LRMDA: variants seen among roughly 807,000 people sequenced by gnomAD.
LRMDA encodes leucine-rich melanocyte differentiation-associated protein.
A neutral mutation model predicts 29.8 loss-of-function variants in LRMDA; 18 were observed. That is an observed-to-expected ratio of 0.60 (90% CI 0.42 to 0.90). The LOEUF is 0.90. LRMDA is among the 40% of genes least tolerant of loss of function. LRMDA has a pLI of 0.00. For missense variants in LRMDA, 273 were observed against 273.9 expected (o/e 1.00, Z 0.02); for synonymous variants, 125 against 109.4 (o/e 1.14, Z -0.89).
chr10:75,671,292 G>A (rs11001458), intron 2 of LRMDA, among the ~76,000 whole-genome samples: 1 of 152,036 alleles, frequency 6.6e-6, no homozygotes, highest in Non-Finnish European at 1.5e-5. Flanking sequence ...TAGTTTTCAG[G>A]ACTGTACTGC....
At chr10:75,664,602 C>G (rs1841797513) in intron 2 of LRMDA, among the ~76,000 whole-genome samples, 1 of 152,230 alleles carries the variant, frequency 6.6e-6, no homozygotes, top group East Asian at 1.9e-4. Context: ...TGGAGGGCAT[C>G]AGGGAAGTCT....
intron 5 of LRMDA, among the ~76,000 whole-genome samples, chr10:76,249,270 G>A (rs932715612): frequency 2.0e-5 from 3 of 152,262 alleles, no homozygotes; most frequent in East Asian, 3.9e-4. Flanking sequence ...TACTCCTAGC[G>A]GGTGGCTAGA....
intron 2 of LRMDA, among the ~76,000 whole-genome samples, chr10:75,942,304 A>C (rs1171664620): frequency 6.6e-6 from 1 of 152,188 alleles, no homozygotes; most frequent in Admixed American, 6.5e-5. Flanking sequence ...TGAGCTGTTT[A>C]TCATGCTCAT....
At chr10:75,768,992 C>T (rs916657671) in intron 2 of LRMDA, among the ~76,000 whole-genome samples, 2 of 152,168 alleles carry the variant, frequency 1.3e-5, no homozygotes, top group Admixed American at 1.3e-4. Flanking sequence ...AGCACTTACT[C>T]CAAGGAGAAG....
At chr10:76,152,071 G>T (rs1055263105) in intron 5 of LRMDA, among the ~76,000 whole-genome samples, 3 of 152,110 alleles carry the variant, frequency 2.0e-5, no homozygotes, top group Non-Finnish European at 4.4e-5. Context: ...CAATTCATTG[G>T]TTTTTAGCAT....
chr10:75,467,885 C>T (rs994176645), intron 2 of LRMDA, among the ~76,000 whole-genome samples: 12 of 151,554 alleles, frequency 7.9e-5, no homozygotes, highest in African/African-American at 2.7e-4. Flanking sequence ...CGCATGAACT[C>T]GGGAGGTGGA....
chr10:76,050,693 G>C (rs1240845312), intron 4 of LRMDA, among the ~76,000 whole-genome samples: 1 of 152,204 alleles, frequency 6.6e-6, no homozygotes, highest in Non-Finnish European at 1.5e-5. Context: ...CCATGCTACT[G>C]AGAAACCACT....
At chr10:76,258,926 T>C (rs1410430555) in intron 5 of LRMDA, among the ~76,000 whole-genome samples, 1 of 152,174 alleles carries the variant, frequency 6.6e-6, no homozygotes, top group East Asian at 1.9e-4. Context: ...GCAATAAATA[T>C]GGGAGTGCAG....
intron 6 of LRMDA, among the ~76,000 whole-genome samples, chr10:76,379,189 G>A (rs575223270): frequency 8.6e-5 from 13 of 151,376 alleles, no homozygotes; most frequent in African/African-American, 1.2e-4. Context: ...GTGTGTGTGT[G>A]TGTGTGTGTG....
Position 76,473,308 on chromosome 10 carries a change from C to T in LRMDA, c.602-83901C>T, listed in dbSNP as rs76170899. Among the ~76,000 whole-genome samples the T allele has an allele frequency of 4.3e-3, 659 of 151,610 alleles. 1 individual carries two copies. The highest frequency in any genetic ancestry group is 0.015 in the African/African-American group (617 of 41,460). ...AAAAAAAGTATTTGACAAAAGTCCA[C>T]ATCCACACACATTCATGGTAAAAAC... On this transcript the variant is annotated intron_variant, in intron 6 of 6. Coordinates refer to ENST00000611255, the MANE Select transcript of LRMDA (RefSeq NM_001305581.2).
rs973071303 is a variant in LRMDA, at chr10:75,956,546, C to G, written c.132-79462C>G. On this transcript the variant is annotated intron_variant, in intron 2 of 6. Coordinates refer to ENST00000611255, the MANE Select transcript of LRMDA (RefSeq NM_001305581.2). ...TGTCTGAGCCCCCTTTATTCTACCACCATCACTGTACAAGTGTGGTCCCTG... is the reference window on the plus strand; with the variant it reads ...TGTCTGAGCCCCCTTTATTCTACCAGCATCACTGTACAAGTGTGGTCCCTG... 3.3e-5 allele frequency among the ~76,000 whole-genome samples: 5 copies of G among 152,186 alleles called. No individual in the cohort carries two copies. In the East Asian group the frequency reaches 9.7e-4, roughly 29 times the overall value.
At chr10:75,450,241 G>A (rs758495720) in intron 2 of LRMDA, 1 of 152,060 alleles carries the variant, frequency 6.6e-6, no homozygotes, top group African/African-American at 2.4e-5. Context: ...ATGAGAGAGA[G>A]ACACACACAT....
chr10:75,903,480 G>A (rs1400814793), intron 2 of LRMDA, among the ~76,000 whole-genome samples: 1 of 152,230 alleles, frequency 6.6e-6, no homozygotes, highest in African/African-American at 2.4e-5. Context: ...ATCACTTCGC[G>A]ATTCCATTAT....
chr10:76,361,568 CT>C (rs951845067), intron 6 of LRMDA, among the ~76,000 whole-genome samples: 1 of 152,120 alleles, frequency 6.6e-6, no homozygotes, highest in African/African-American at 2.4e-5. Flanking sequence ...TGCCAAGTAC[CT>C]GGCTTAGGGC....
At chr10:76,047,038 T>C (rs192031370) in intron 3 of LRMDA, 126 bp from the exon 4 acceptor site, 22 of 1,024,818 alleles carry the variant, frequency 2.1e-5, no homozygotes, top group African/African-American at 3.2e-5. Flanking sequence ...CACAGCTGAA[T>C]TGATTTCAGC....
At position 76,510,054 on chromosome 10, in the gene LRMDA, T is replaced by G. The variant is rs1394302657; in HGVS notation, c.602-47155T>G. On this transcript the variant is annotated intron_variant, in intron 6 of 6. Transcript: ENST00000611255. The stretch of plus-strand genomic sequence containing the variant: ...TTTGTTTTGTTTTATTTTTTGTTTT[T>G]CCATTTTTGTTGTTGTTTGTTTGTT... Among the ~76,000 whole-genome samples, 5 of 152,128 alleles carry G rather than the reference T, an allele frequency of 3.3e-5. No homozygotes were observed. In the South Asian group the frequency reaches 8.3e-4, roughly 25 times the overall value.
intron 2 of LRMDA, among the ~76,000 whole-genome samples, chr10:75,802,617 T>G (rs1371474638): frequency 3.9e-5 from 6 of 152,154 alleles, no homozygotes; most frequent in Non-Finnish European, 2.9e-5. Flanking sequence ...TAGTGTTGTT[T>G]TTTTTTTCTT....
intron 6 of LRMDA, among the ~76,000 whole-genome samples, chr10:76,429,379 C>A (rs1842166890): frequency 6.6e-6 from 1 of 152,146 alleles, no homozygotes. Flanking sequence ...AGTGACCTTA[C>A]ATGCACAATA....
At chr10:76,485,456 C>T (rs1300659188) in intron 6 of LRMDA, among the ~76,000 whole-genome samples, 1 of 151,894 alleles carries the variant, frequency 6.6e-6, no homozygotes, top group Non-Finnish European at 1.5e-5. Flanking sequence ...TATGAAATTG[C>T]TGTCATTCAT....
Sources: allele counts gnomAD v4.1 joint callset (sites outside exome capture counted in the v4.1 genomes callset), GRCh38; gene constraint gnomAD v4.1.1; transcripts MANE v1.5; gene names NCBI Gene and HGNC (gene_info 2026-07-23, HGNC 2026-07-21).